Variants in EYS observed in about 807,000 individuals in gnomAD.
The protein encoded by EYS is protein eyes shut homolog.
In EYS, 250 loss-of-function variants were observed where a neutral mutation model predicts 282.1. The ratio of observed to expected loss-of-function variants is 0.89; its 90% CI spans 0.80 to 0.98. The LOEUF is 0.98. EYS is among the 50% of genes least tolerant of loss of function. EYS has a pLI of 0.00. For synonymous variants in EYS, 1,355 were observed against 1,282.9 expected, an observed-to-expected ratio of 1.06 and a Z score of -1.20; for missense variants, 4,016 against 3,709.0, an observed-to-expected ratio of 1.08 and a Z score of -2.15.
rs938952171 is a variant in EYS at position 65,522,629 on chromosome 6, T to C, written c.-332-26636A>G. Among the ~76,000 whole-genome samples the C allele has an allele frequency of 3.3e-5, 5 of 152,332 alleles. No homozygotes were observed. In the East Asian group the frequency reaches 9.6e-4, roughly 29 times the overall value. On this transcript the variant is annotated intron_variant, in intron 2 of 42. Transcript: ENST00000503581. ...CATAAAAGCATAAATACTTTAAGAA[T>C]TTCAATGCAATTTTGCTTCCAAATT...
At chr6:64,432,285 G>T (rs1400857042) in intron 28 of EYS, among the ~76,000 whole-genome samples, 1 of 151,864 alleles carries the variant, frequency 6.6e-6, no homozygotes, top group East Asian at 1.9e-4. Flanking sequence ...TTAAATCTAA[G>T]ACAAGAAATA....
intron 2 of EYS, among the ~76,000 whole-genome samples, chr6:65,531,284 C>T (rs187911119): frequency 1.3e-5 from 2 of 152,050 alleles, no homozygotes; most frequent in East Asian, 3.9e-4. Flanking sequence ...AGAGGCAATA[C>T]CTATGTTAAC....
At chr6:64,885,912 G>T (rs1417460229) in intron 19 of EYS, among the ~76,000 whole-genome samples, 1 of 151,640 alleles carries the variant, frequency 6.6e-6, no homozygotes, top group Non-Finnish European at 1.5e-5. Context: ...CCTAATATTA[G>T]ATGTATTTAA....
chr6:65,472,560 G>A (rs987259564), intron 5 of EYS, among the ~76,000 whole-genome samples: 1 of 151,786 alleles, frequency 6.6e-6, no homozygotes, highest in Non-Finnish European at 1.5e-5. Context: ...CAAATTATTT[G>A]GAATTCAGTA....
chr6:64,390,019 A>C (rs1378310446), intron 28 of EYS, among the ~76,000 whole-genome samples: 1 of 150,310 alleles, frequency 6.7e-6, no homozygotes, highest in Non-Finnish European at 1.5e-5. Context: ...GATGGATGGC[A>C]CCTGGAAAAT....
At chr6:65,351,975 G>A (rs528361043) in intron 9 of EYS, among the ~76,000 whole-genome samples, 2 of 151,762 alleles carry the variant, frequency 1.3e-5, no homozygotes, top group East Asian at 1.9e-4. Context: ...TTATTTCTTT[G>A]TTTCGTCTGA....
At chr6:64,153,221 C>A (rs1175648114) in intron 31 of EYS, among the ~76,000 whole-genome samples, 2 of 151,952 alleles carry the variant, frequency 1.3e-5, no homozygotes, top group African/African-American at 4.8e-5. Context: ...ATTTTTTGTG[C>A]ATAGTCGCAC....
rs1769221040 is a variant in EYS at position 65,565,016 on chromosome 6, C to T, written c.-332-69023G>A. The stretch of plus-strand genomic sequence containing the variant: ...ATCCCAGCACTTTGGGAGGCCGAGG[C>T]GGGCGGATCACGAGGTCAGGAGATC... On this transcript the variant is annotated intron_variant, in intron 2 of 42. Coordinates refer to ENST00000503581, the MANE Select transcript of EYS (RefSeq NM_001142800.2). Among the ~76,000 whole-genome samples, 2 of 56,364 alleles carry T rather than the reference C, an allele frequency of 3.5e-5. 1 individual carries two copies. The highest frequency in any genetic ancestry group is 4.8e-4 in the Admixed American group (2 of 4,206). 37.0% of individuals were successfully genotyped at this position (56,364 alleles called of 152,430 possible).
chr6:63,794,852 G>T (rs1180462761), intron 37 of EYS, among the ~76,000 whole-genome samples: 4 of 152,148 alleles, frequency 2.6e-5, no homozygotes, highest in Non-Finnish European at 5.9e-5. Flanking sequence ...AACCCACAGT[G>T]AATCTTAATG....
At chr6:64,763,694 C>T (rs1349312534) in intron 22 of EYS, among the ~76,000 whole-genome samples, 1 of 152,172 alleles carries the variant, frequency 6.6e-6, no homozygotes, top group African/African-American at 2.4e-5. Context: ...AAGTCCAAAT[C>T]CAAAGTCTCA....
chr6:64,679,495 AG>A (rs1277572008), intron 22 of EYS, among the ~76,000 whole-genome samples: 1 of 152,114 alleles, frequency 6.6e-6, no homozygotes, highest in Non-Finnish European at 1.5e-5. Context: ...TGCTGGGAAA[AG>A]TCTAATGCAT....
chr6:63,863,700 G>A lies in EYS; in HGVS notation c.7228+486C>T, dbSNP rs530638663. On this transcript the variant is annotated intron_variant, in intron 36 of 42. Transcript: ENST00000503581. ...CTTTTTTTTTTTTTTTTTTGAGATG[G>A]AGTCTCTCTCTGCTGCCCAGGCTGG... Among the ~76,000 whole-genome samples the A allele has an allele frequency of 5.0e-4, 58 of 116,136 alleles. 1 individual carries two copies. Among genetic ancestry groups the A allele is most frequent in the Admixed American group, 2.8e-3 (26 of 9,176 alleles). 76.2% of individuals were successfully genotyped at this position (116,136 alleles called of 152,430 possible). A position where few individuals can be genotyped will look rare whatever the true frequency, so the allele number is the denominator to read the frequency against.
At chr6:63,751,377 A>G (rs1225170744) in intron 41 of EYS, among the ~76,000 whole-genome samples, 1 of 152,220 alleles carries the variant, frequency 6.6e-6, no homozygotes, top group Non-Finnish European at 1.5e-5. Flanking sequence ...CTGTTCAGTT[A>G]GCAGAGAAAA....
intron 19 of EYS, among the ~76,000 whole-genome samples, chr6:64,867,323 T>G (rs1021212965): frequency 6.6e-6 from 1 of 151,780 alleles, no homozygotes; most frequent in Admixed American, 6.6e-5. Context: ...CTTTTTCACC[T>G]AATACAACTT....
At chr6:64,450,733 T>A (rs1029638955) in intron 26 of EYS, among the ~76,000 whole-genome samples, 1 of 152,102 alleles carries the variant, frequency 6.6e-6, no homozygotes, top group Non-Finnish European at 1.5e-5. Flanking sequence ...ACATGGAAAC[T>A]GAACAACCTG....
At chr6:64,060,554 C>T (rs1056008362) in intron 33 of EYS, among the ~76,000 whole-genome samples, 1 of 152,068 alleles carries the variant, frequency 6.6e-6, no homozygotes, top group Admixed American at 6.6e-5. Flanking sequence ...AATCATTCTT[C>T]CCATTTTGTG....
rs145263951 is a variant in EYS, at chr6:63,973,420, G to T, written c.7055+10963C>A. Among the ~76,000 whole-genome samples the T allele has an allele frequency of 5.5e-4, 84 of 152,126 alleles. 3 individuals are homozygous for T. The highest frequency in any genetic ancestry group is 3.4e-3 in the Middle Eastern group (1 of 294). On this transcript the variant is annotated intron_variant, in intron 35 of 42. Transcript: ENST00000503581. ...AGAAGAGAACTAAACTTTATTATTT[G>T]TGATGAAACAAATGCTTGATTTACA...
intron 5 of EYS, among the ~76,000 whole-genome samples, chr6:65,410,484 C>A (rs913334381): frequency 3.3e-5 from 5 of 151,924 alleles, no homozygotes; most frequent in Admixed American, 2.6e-4. Context: ...AACAGCAATA[C>A]TTCTTCTTCT....
At chr6:65,085,800 A>G (rs954195373) in intron 12 of EYS, among the ~76,000 whole-genome samples, 1 of 151,814 alleles carries the variant, frequency 6.6e-6, no homozygotes, top group Non-Finnish European at 1.5e-5. Flanking sequence ...GTCAAATGGG[A>G]CCATTTAGTT....
Sources: allele counts gnomAD v4.1 joint callset (sites outside exome capture counted in the v4.1 genomes callset), GRCh38; gene constraint gnomAD v4.1.1; transcripts MANE v1.5; gene names NCBI Gene and HGNC (gene_info 2026-07-23, HGNC 2026-07-21).